Variants in BMPR1B observed in about 807,000 individuals in gnomAD.
The protein encoded by BMPR1B is bone morphogenetic protein receptor type 1B.
In BMPR1B, 12 loss-of-function variants were observed where a neutral mutation model predicts 59.1. The ratio of observed to expected loss-of-function variants is 0.20; its 90% CI spans 0.13 to 0.33. The LOEUF (loss-of-function observed/expected upper bound fraction) is 0.33, where lower values mean the gene tolerates loss of function less well. BMPR1B is among the 10% of genes least tolerant of loss of function. BMPR1B has a pLI of 1.00. For synonymous variants in BMPR1B, 237 were observed against 207.3 expected (o/e 1.14, Z -1.23); for missense variants, 550 against 610.9 (o/e 0.90, Z 1.05).
chr4:94,902,597 T>A (rs1240595590), intron 2 of BMPR1B, among the ~76,000 whole-genome samples: 1 of 145,184 alleles, frequency 6.9e-6, no homozygotes, highest in Non-Finnish European at 1.5e-5. Flanking sequence ...TATTTCTGAA[T>A]TTTTCTGTTT....
Position 94,949,314 on chromosome 4 carries a change from T to TATGGCTGCATAGTATTTCATGTGTATATG in BMPR1B, c.-112-46726_-112-46725insATGGCTGCATAGTATTTCATGTGTATATG, listed in dbSNP as rs1406901953. On this transcript the variant is annotated intron_variant, in intron 2 of 12. Coordinates refer to ENST00000515059, the MANE Select transcript of BMPR1B (RefSeq NM_001203.3). ...CAAAGGACATGAACTCATTCTTTTT[T>TATGGCTGCATAGTATTTCATGTGTATATG]TTTTTTTTTTTTTGAGACGGAGTCT... 9.4e-3 allele frequency among the ~76,000 whole-genome samples: 976 copies of TATGGCTGCATAGTATTTCATGTGTATATG among 103,290 alleles called. 115 individuals carry two copies. The highest frequency in any genetic ancestry group is 0.011 in the Non-Finnish European group (538 of 50,168). The allele number at this position is 103,290 out of a possible 152,430, so 67.8% of individuals were successfully genotyped here. A position where few individuals can be genotyped will look rare whatever the true frequency, so the allele number is the denominator to read the frequency against.
chr4:94,906,801 T>C (rs1233806853), intron 2 of BMPR1B, among the ~76,000 whole-genome samples: 1 of 152,090 alleles, frequency 6.6e-6, no homozygotes, highest in Admixed American at 6.6e-5. Flanking sequence ...GCTAACAGTT[T>C]GAAAACTATA....
intron 8 of BMPR1B, among the ~76,000 whole-genome samples, chr4:95,125,648 AT>A (rs199540884): frequency 1.3e-5 from 2 of 152,092 alleles, no homozygotes; most frequent in Non-Finnish European, 2.9e-5. Flanking sequence ...TATTACACTT[AT>A]TTTTTTCTAA....
In BMPR1B at chr4:95,156,132, T is replaced by G. The variant is rs1735403718; in HGVS notation, c.*1459T>G. 1.3e-5 allele frequency: 2 copies of G among 152,136 alleles called. No homozygotes were observed. The highest frequency in any genetic ancestry group is 4.1e-4 in the South Asian group (2 of 4,834). 9.4% of individuals were successfully genotyped at this position (152,136 alleles called of 1,614,324 possible). ...ACTTAGTTCTACAGGGTTTTAACTT[T>G]GGAGCAACATGAATAAAATCATCGA... On this transcript the variant is annotated 3_prime_UTR_variant, in exon 13 of 13. Transcript: ENST00000515059.
At chr4:95,067,895 T>C (rs1364050926) in intron 3 of BMPR1B, among the ~76,000 whole-genome samples, 2 of 152,208 alleles carry the variant, frequency 1.3e-5, no homozygotes, top group African/African-American at 2.4e-5. Flanking sequence ...GGTGTGCATC[T>C]GACTTAAAGG....
intron 2 of BMPR1B, among the ~76,000 whole-genome samples, chr4:94,954,762 T>G (rs1578845790): frequency 6.6e-6 from 1 of 152,326 alleles, no homozygotes; most frequent in South Asian, 2.1e-4. Flanking sequence ...AAAAGGGATA[T>G]TCTGAAGATC....
At chr4:95,025,407 C>T (rs1724284524) in intron 3 of BMPR1B, among the ~76,000 whole-genome samples, 1 of 152,118 alleles carries the variant, frequency 6.6e-6, no homozygotes, top group African/African-American at 2.4e-5. Context: ...AGTTAATAGA[C>T]TCACAAGAGG....
At chr4:94,907,439 A>T (rs1728089354) in intron 2 of BMPR1B, among the ~76,000 whole-genome samples, 2 of 152,200 alleles carry the variant, frequency 1.3e-5, no homozygotes, top group Middle Eastern at 3.4e-3. Flanking sequence ...GTTCTATGTT[A>T]GGAGCTTTCA....
chr4:94,897,250 G>A (rs1371374158), intron 2 of BMPR1B, among the ~76,000 whole-genome samples: 1 of 152,024 alleles, frequency 6.6e-6, no homozygotes, highest in Admixed American at 6.6e-5. Context: ...TATATAGGAT[G>A]ACCCTGCGTG....
At chr4:94,803,291 G>C (rs1560492544) in intron 1 of BMPR1B, among the ~76,000 whole-genome samples, 1 of 152,144 alleles carries the variant, frequency 6.6e-6, no homozygotes, top group African/African-American at 2.4e-5. Context: ...TTTTTAGTTA[G>C]ATCTGGGTTG....
chr4:95,073,504 A>G (rs1286162049), intron 3 of BMPR1B, among the ~76,000 whole-genome samples: 1 of 152,124 alleles, frequency 6.6e-6, no homozygotes, highest in East Asian at 1.9e-4. Context: ...CCAACATCAT[A>G]ACCATTTTAC....
intron 1 of BMPR1B, among the ~76,000 whole-genome samples, chr4:94,818,465 T>G (rs574576495): frequency 3.3e-5 from 5 of 152,336 alleles, no homozygotes; most frequent in African/African-American, 9.6e-5. Flanking sequence ...CTTGCTGGTA[T>G]AGTTTTAGCT....
At chr4:94,882,910 A>G (rs775697396) in intron 2 of BMPR1B, among the ~76,000 whole-genome samples, 2 of 152,098 alleles carry the variant, frequency 1.3e-5, no homozygotes, top group African/African-American at 4.8e-5. Context: ...TAGGATCAGA[A>G]CTAGCCCCAG....
intron 2 of BMPR1B, among the ~76,000 whole-genome samples, chr4:94,951,159 TAAG>T (rs1257358940): frequency 6.6e-6 from 1 of 152,240 alleles, no homozygotes; most frequent in African/African-American, 2.4e-5. Flanking sequence ...CTTATCAGCT[TAAG>T]GAGATTTGGG....
At chr4:95,116,421 G>GCGCGCGCGCGCA in intron 6 of BMPR1B, among the ~76,000 whole-genome samples, 50 of 123,248 alleles carry the variant, frequency 4.1e-4, no homozygotes, top group African/African-American at 1.7e-3. Flanking sequence ...TTCAGCGCGC[G>GCGCGCGCGCGCA]CACACACACA....
intron 2 of BMPR1B, among the ~76,000 whole-genome samples, chr4:94,889,114 T>C (rs189184160): frequency 6.6e-6 from 1 of 152,034 alleles, no homozygotes; most frequent in Non-Finnish European, 1.5e-5. Flanking sequence ...AGGAGCCTCT[T>C]GCTGGGGATC....
intron 2 of BMPR1B, among the ~76,000 whole-genome samples, chr4:94,880,054 AATT>A (rs35340333): frequency 0.14 from 21,249 of 152,106 alleles, 1,664 homozygotes; most frequent in South Asian, 0.19. Flanking sequence ...TGACAATACA[AATT>A]ATTATTATTT....
intron 3 of BMPR1B, among the ~76,000 whole-genome samples, chr4:95,026,110 C>CTTTCTTTCTTTCTTTT (rs751013981): frequency 0.023 from 3,209 of 139,328 alleles, 112 homozygotes; most frequent in South Asian, 0.03. Flanking sequence ...TTCTTTCTTT[C>CTTTCTTTCTTTCTTTT]TTTCTTTCTT....
intron 3 of BMPR1B, among the ~76,000 whole-genome samples, chr4:95,027,326 T>TA (rs1288078509): frequency 1.6e-4 from 25 of 152,202 alleles, no homozygotes; most frequent in Admixed American, 6.6e-5. Context: ...TGTTGGAGTC[T>TA]AAAATGCTAA....
Sources: gnomAD v4.1 joint callset for allele counts (sites outside exome capture counted in the v4.1 genomes callset) on GRCh38, gnomAD v4.1.1 for gene constraint, MANE v1.5 for transcripts, NCBI Gene and HGNC (gene_info 2026-07-23, HGNC 2026-07-21) for gene names.